The following RSF1 variants were observed in gnomAD, a reference collection of about 807,000 sequenced individuals.
RSF1 encodes the protein remodeling and spacing factor 1, also known as HBV pX-associated protein 8.
Under a neutral mutation model 145.2 loss-of-function variants are expected in RSF1, and 13 were observed. The ratio of observed to expected loss-of-function variants is 0.09; its 90% CI spans 0.06 to 0.14. RSF1 has a LOEUF of 0.14. Among genes scored for constraint, RSF1 ranks in the 10% least tolerant of loss-of-function variants. RSF1 has a pLI of 1.00. For missense variants in RSF1, 1,517 were observed against 1,718.2 expected (o/e 0.88, Z 2.07); for synonymous variants, 577 against 592.6 (o/e 0.97, Z 0.38).
At chr11:77,764,749 A>G in intron 1 of RSF1, 60 bp from the exon 2 acceptor site, 1 of 1,042,108 alleles carries the variant, frequency 9.6e-7, no homozygotes, top group Non-Finnish European at 1.4e-6. Flanking sequence ...TAAACATTTA[A>G]GATAATAAAA....
chr11:77,807,911 C>G (rs959667193), intron 1 of RSF1, among the ~76,000 whole-genome samples: 5 of 152,188 alleles, frequency 3.3e-5, no homozygotes, highest in African/African-American at 1.2e-4. Context: ...AGTACAGGAA[C>G]ACACCCTGGA....
At chr11:77,771,032 C>G (rs1050858718) in intron 1 of RSF1, among the ~76,000 whole-genome samples, 1 of 152,080 alleles carries the variant, frequency 6.6e-6, no homozygotes, top group Non-Finnish European at 1.5e-5. Flanking sequence ...ATCAGATGAC[C>G]CCATTTCCCC....
intron 1 of RSF1, 51 bp downstream of exon 1, chr11:77,820,477 T>C: frequency 3.9e-6 from 6 of 1,522,514 alleles, no homozygotes; most frequent in Non-Finnish European, 5.3e-6. Flanking sequence ...GAGCGGAGAG[T>C]AGCAGAGCGC....
At chr11:77,730,974 G>A (rs571427109) in intron 4 of RSF1, among the ~76,000 whole-genome samples, 17 of 152,302 alleles carry the variant, frequency 1.1e-4, no homozygotes, top group Admixed American at 5.2e-4. Context: ...GGAGTGGGGC[G>A]TTGCTGAAAA....
intron 14 of RSF1, among the ~76,000 whole-genome samples, chr11:77,673,096 G>A (rs931605260): frequency 7.2e-5 from 11 of 152,120 alleles, no homozygotes; most frequent in South Asian, 2.1e-4. Flanking sequence ...CCACAAATCC[G>A]CCTCCTGATA....
the RSF1 span, among the ~76,000 whole-genome samples, chr11:77,856,765 C>T: frequency 1.3e-5 from 2 of 152,182 alleles, no homozygotes; most frequent in African/African-American, 4.8e-5. Flanking sequence ...AAGGGGGATA[C>T]TGGCCCCATG....
At position 77,666,202 on chromosome 11, in the gene RSF1, G is replaced by A. The variant is rs1565140799; in HGVS notation, c.*715C>T. 1 of 152,056 alleles carries A rather than the reference G, an allele frequency of 6.6e-6. No individual in the cohort carries two copies. Among genetic ancestry groups the A allele is most frequent in the Non-Finnish European group, 1.5e-5 (1 of 68,010 alleles). The allele number at this position is 152,056 out of a possible 1,614,324, so 9.4% of individuals were successfully genotyped here. ...TTGCTAGCACAGTCTGGTTGGCAAA[G>A]CTTCATTATACATTTTACTGTACAA... On this transcript the variant is annotated 3_prime_UTR_variant, in exon 16 of 16. Coordinates refer to ENST00000308488, the MANE Select transcript of RSF1 (RefSeq NM_016578.4).
rs1198619985 is a variant in RSF1, at chr11:77,667,108, C to T, written c.4135G>A (p.Ala1379Thr). 1.2e-6 allele frequency: 2 copies of T among 1,614,198 alleles called. No homozygotes were observed. The highest frequency in any genetic ancestry group is 2.2e-5 in the East Asian group (1 of 44,874). ...PSTNGQSPGK[A>T]IENLIGKPTE... ...GGCTTGCCAATCAAGTTCTCAATGG[C>T]TTTGCCAGGGCTCTGTCCATTGGTT... The change falls in exon 16 of 16, where the codon GCC becomes ACC. Residue 1379 changes from alanine to threonine, a missense_variant. This residue lies in a region of RSF1 where 240 missense variants were observed against 231.8 expected (regional missense o/e 1.04). Coordinates refer to ENST00000308488, the MANE Select transcript of RSF1 (RefSeq NM_016578.4).
intron 1 of RSF1, among the ~76,000 whole-genome samples, chr11:77,810,970 G>A (rs1948725290): frequency 6.6e-6 from 1 of 152,114 alleles, no homozygotes; most frequent in Non-Finnish European, 1.5e-5. Flanking sequence ...AGGCTGGAGT[G>A]CAGTGGCATG....
intron 2 of RSF1, among the ~76,000 whole-genome samples, chr11:77,752,183 C>T (rs61900163): frequency 0.058 from 8,837 of 152,240 alleles, 383 homozygotes; most frequent in Admixed American, 0.08. Flanking sequence ...TAAAGAGCAG[C>T]CTGAAAAATC....
chr11:77,745,089 A>G (rs1055712912), intron 3 of RSF1, among the ~76,000 whole-genome samples: 2 of 152,046 alleles, frequency 1.3e-5, no homozygotes, highest in Admixed American at 1.3e-4. Context: ...AATTGTTCAT[A>G]GTTGTTTCTA....
chr11:77,751,711 T>C (rs1948065614), intron 2 of RSF1, among the ~76,000 whole-genome samples: 1 of 152,162 alleles, frequency 6.6e-6, no homozygotes, highest in African/African-American at 2.4e-5. Flanking sequence ...CTTCCATAAC[T>C]TGACTAAAGC....
chr11:77,759,165 T>C (rs1948145845), intron 2 of RSF1, among the ~76,000 whole-genome samples: 1 of 152,168 alleles, frequency 6.6e-6, no homozygotes, highest in African/African-American at 2.4e-5. Context: ...CAAGCTGTCA[T>C]AGTTCAACAA....
At chr11:77,693,361 A>G (rs1200664923) in intron 8 of RSF1, 146 bp downstream of exon 8, 2 of 525,042 alleles carry the variant, frequency 3.8e-6, no homozygotes, top group Non-Finnish European at 6.8e-6. Context: ...CCTAAAAGCT[A>G]TTAATAAAAG....
At chr11:77,749,780 ACT>A (rs1048351579) in intron 2 of RSF1, among the ~76,000 whole-genome samples, 2 of 151,988 alleles carry the variant, frequency 1.3e-5, no homozygotes, top group Non-Finnish European at 2.9e-5. Flanking sequence ...ACGGAGTCTC[ACT>A]CTGTCGCCCA....
intron 1 of RSF1, among the ~76,000 whole-genome samples, chr11:77,780,207 C>T (rs1341540007): frequency 6.6e-6 from 1 of 152,134 alleles, no homozygotes; most frequent in East Asian, 1.9e-4. Context: ...TGGGTTTGGT[C>T]TTTAAAAAAA....
intron 4 of RSF1, among the ~76,000 whole-genome samples, chr11:77,727,270 T>C (rs1162940889): frequency 1.3e-5 from 2 of 152,074 alleles, no homozygotes. Flanking sequence ...TTATTACTAC[T>C]CATATTCCAT....
intron 1 of RSF1, among the ~76,000 whole-genome samples, chr11:77,782,663 G>GA (rs966473168): frequency 1.5e-4 from 23 of 150,540 alleles, no homozygotes; most frequent in African/African-American, 2.2e-4. Context: ...GGGTAGAGGG[G>GA]AAAAAAAAAT....
At chr11:77,693,269 T>C (rs1319065072) in intron 8 of RSF1, among the ~76,000 whole-genome samples, 3 of 151,968 alleles carry the variant, frequency 2.0e-5, no homozygotes, top group Non-Finnish European at 4.4e-5. Flanking sequence ...TTTTAACAAA[T>C]ACAAGAAAAA....
Sources: gnomAD v4.1 joint callset for allele counts (sites outside exome capture counted in the v4.1 genomes callset) on GRCh38, gnomAD v4.1.1 for gene constraint, gnomAD v4.1.1 regional missense constraint, MANE v1.5 for transcripts, NCBI Gene and HGNC (gene_info 2026-07-23, HGNC 2026-07-21) for gene names.